Variants in CNKSR2 observed in about 807,000 individuals in gnomAD.
The protein encoded by CNKSR2 is connector enhancer of kinase suppressor of Ras 2.
In CNKSR2, 14 loss-of-function variants were observed where a neutral mutation model predicts 84.4. The ratio of observed to expected loss-of-function variants is 0.17; its 90% CI spans 0.11 to 0.26. The LOEUF (loss-of-function observed/expected upper bound fraction) is 0.26, where lower values mean the gene tolerates loss of function less well. Among genes scored for constraint, CNKSR2 ranks in the 10% least tolerant of loss-of-function variants. The probability of loss-of-function intolerance (pLI) is 1.00; values close to 1 mark genes in which losing one functional copy is unlikely to be tolerated. For synonymous variants in CNKSR2, 275 were observed against 277.9 expected (o/e 0.99, Z 0.10); for missense variants, 485 against 771.2 (o/e 0.63, Z 4.40).
At chrX:21,533,890 T>C (rs2091905937) in intron 11 of CNKSR2, among the ~76,000 whole-genome samples, 2 of 111,073 alleles carry the variant, frequency 1.8e-5, no homozygotes, top group South Asian at 7.5e-4. Context: ...TCAGGGTAAT[T>C]AGCATATTCT....
intron 6 of CNKSR2, chrX:21,494,687 C>T (rs896973030): frequency 1.8e-5 from 2 of 111,409 alleles, no homozygotes; most frequent in Admixed American, 9.5e-5. Flanking sequence ...AGTAGCTGTA[C>T]ATGCCTGTTC....
At chrX:21,490,114 G>C (rs1002460474) in intron 5 of CNKSR2, among the ~76,000 whole-genome samples, 1 of 111,557 alleles carries the variant, frequency 9.0e-6, no homozygotes, top group African/African-American at 3.3e-5. Context: ...ATTTTTTATA[G>C]TGTTCAGTTC....
In CNKSR2 at chrX:21,516,473, G is replaced by A. The variant is rs1044410779; in HGVS notation, c.811-12G>A. On this transcript the variant is annotated splice_polypyrimidine_tract_variant and intron_variant, in intron 8 of 21. Transcript: ENST00000379510. ...ACCTCAATTTTATTGTAATGATTTTGCTGGTTACCAGGTGGGGTGGCAGTT... is the reference window on the plus strand; with the variant it reads ...ACCTCAATTTTATTGTAATGATTTTACTGGTTACCAGGTGGGGTGGCAGTT... 6 of 1,201,300 alleles carry A rather than the reference G, an allele frequency of 5.0e-6. No individual in the cohort carries two copies. The highest frequency in any genetic ancestry group is 2.2e-5 in the Admixed American group (1 of 44,920).
At chrX:21,490,062 AT>A (rs1382882403) in intron 5 of CNKSR2, among the ~76,000 whole-genome samples, 2 of 111,220 alleles carry the variant, frequency 1.8e-5, no homozygotes, top group Non-Finnish European at 3.8e-5. Context: ...TCTTGGCCAG[AT>A]TTTTTTTAAC....
At chrX:21,439,529 A>C (rs1020947428) in intron 3 of CNKSR2, among the ~76,000 whole-genome samples, 1 of 111,198 alleles carries the variant, frequency 9.0e-6, no homozygotes, top group African/African-American at 3.3e-5. Context: ...TAGAAAAATA[A>C]GAACAAAATA....
intron 4 of CNKSR2, among the ~76,000 whole-genome samples, chrX:21,467,517 C>A (rs1239993988): frequency 9.0e-6 from 1 of 111,453 alleles, no homozygotes; most frequent in Non-Finnish European, 1.9e-5. Flanking sequence ...CTCTAGCTCC[C>A]ATAATTGTGC....
intron 20 of CNKSR2, among the ~76,000 whole-genome samples, chrX:21,617,178 C>CA (rs1259657903): frequency 2.7e-5 from 3 of 110,303 alleles, no homozygotes; most frequent in Admixed American, 9.6e-5. Context: ...TTTCACACAT[C>CA]AAAAAAAAGC....
At chrX:21,628,762 A>G (rs891839972) in intron 20 of CNKSR2, among the ~76,000 whole-genome samples, 1 of 110,921 alleles carries the variant, frequency 9.0e-6, no homozygotes, top group African/African-American at 3.3e-5. Flanking sequence ...TTCCTCCTAA[A>G]TCTCTGGGCC....
intron 13 of CNKSR2, among the ~76,000 whole-genome samples, chrX:21,571,195 G>A (rs2092281433): frequency 8.9e-6 from 1 of 112,016 alleles, no homozygotes; most frequent in South Asian, 3.7e-4. Context: ...AATTACAGTA[G>A]TAACATCAAT....
chrX:21,486,063 C>T (rs1031911200), intron 5 of CNKSR2, among the ~76,000 whole-genome samples: 12 of 111,490 alleles, frequency 1.1e-4, no homozygotes, highest in African/African-American at 6.5e-5. Context: ...ACCCGGGAGG[C>T]GGAGGTTGCA....
At chrX:21,463,475 G>C (rs1363469872) in intron 4 of CNKSR2, among the ~76,000 whole-genome samples, 1 of 111,450 alleles carries the variant, frequency 9.0e-6, no homozygotes, top group African/African-American at 3.3e-5. Context: ...TCCTTTTTGG[G>C]AGACTTTTTA....
At chrX:21,420,761 T>C (rs2090485017) in intron 1 of CNKSR2, among the ~76,000 whole-genome samples, 1 of 110,415 alleles carries the variant, frequency 9.1e-6, no homozygotes, top group Admixed American at 9.7e-5. Context: ...GTATCCAAGA[T>C]GCAAGATAAA....
At chrX:21,535,588 ACTTC>A (rs2091920617) in intron 11 of CNKSR2, among the ~76,000 whole-genome samples, 2 of 109,699 alleles carry the variant, frequency 1.8e-5, no homozygotes, top group African/African-American at 3.3e-5. Context: ...GAGATCTTTC[ACTTC>A]CTTGGTTAAC....
At chrX:21,414,021 T>C (rs1169467625) in intron 1 of CNKSR2, among the ~76,000 whole-genome samples, 1 of 110,670 alleles carries the variant, frequency 9.0e-6, no homozygotes, top group East Asian at 2.8e-4. Context: ...AGCCACTGGG[T>C]CTTCTGGGAC....
intron 11 of CNKSR2, among the ~76,000 whole-genome samples, chrX:21,536,055 A>G (rs1199294378): frequency 9.0e-6 from 1 of 110,621 alleles, no homozygotes; most frequent in Non-Finnish European, 1.9e-5. Context: ...TAATTTGTTG[A>G]GAGTTTTTAT....
At chrX:21,441,522 C>T (rs1441427870) in intron 4 of CNKSR2, 2 of 111,310 alleles carry the variant, frequency 1.8e-5, no homozygotes, top group African/African-American at 3.3e-5. Flanking sequence ...TATCAAAAAA[C>T]AAAAAAGAAT....
At chrX:21,440,034 T>G (rs2090763942) in intron 3 of CNKSR2, among the ~76,000 whole-genome samples, 1 of 110,425 alleles carries the variant, frequency 9.1e-6, no homozygotes, top group African/African-American at 3.3e-5. Context: ...AATCTAAACG[T>G]GTAAAAAGAA....
At chrX:21,416,524 A>G (rs972872664) in intron 1 of CNKSR2, among the ~76,000 whole-genome samples, 2 of 110,793 alleles carry the variant, frequency 1.8e-5, no homozygotes, top group African/African-American at 6.6e-5. Context: ...TTCTCCTTTA[A>G]ATATTTGGTA....
At chrX:21,437,424 T>C (rs1001440953) in intron 3 of CNKSR2, among the ~76,000 whole-genome samples, 3 of 102,142 alleles carry the variant, frequency 2.9e-5, no homozygotes, top group Non-Finnish European at 6.0e-5. Flanking sequence ...ATGTAGTTTT[T>C]TTTTTTTTTT....
Sources: gnomAD v4.1 joint callset for allele counts (sites outside exome capture counted in the v4.1 genomes callset) on GRCh38, gnomAD v4.1.1 for gene constraint, MANE v1.5 for transcripts, NCBI Gene and HGNC (gene_info 2026-07-23, HGNC 2026-07-21) for gene names.